The following ANTXR1 variants were observed in gnomAD, a reference collection of about 807,000 sequenced individuals.
The protein encoded by ANTXR1 is anthrax toxin receptor 1.
In ANTXR1, 19 loss-of-function variants were observed where a neutral mutation model predicts 78.1. The ratio of observed to expected loss-of-function variants is 0.24; its 90% CI spans 0.17 to 0.36. The LOEUF (loss-of-function observed/expected upper bound fraction) is 0.36, where lower values mean the gene tolerates loss of function less well. Ranked by LOEUF, ANTXR1 falls within the 10% of genes least tolerant of loss-of-function variation. ANTXR1 has a pLI of 1.00. For missense variants in ANTXR1, 518 were observed against 718.6 expected (o/e 0.72, Z 3.19); for synonymous variants, 273 against 260.5 (o/e 1.05, Z -0.46).
intron 1 of ANTXR1, among the ~76,000 whole-genome samples, chr2:69,023,209 G>C (rs1455832090): frequency 6.6e-6 from 1 of 152,218 alleles, no homozygotes; most frequent in Non-Finnish European, 1.5e-5. Context: ...GTGTTGTAAA[G>C]ATTAAAACCT....
chr2:69,235,933 C>T (rs549416390), intron 17 of ANTXR1, among the ~76,000 whole-genome samples: 108 of 152,230 alleles, frequency 7.1e-4, no homozygotes, highest in African/African-American at 2.4e-3. Flanking sequence ...ACAATCATGG[C>T]AGAAGGGGAA....
intron 17 of ANTXR1, among the ~76,000 whole-genome samples, chr2:69,239,325 T>G (rs1044005833): frequency 4.6e-5 from 7 of 152,148 alleles, no homozygotes; most frequent in African/African-American, 7.2e-5. Flanking sequence ...TCCCAGCACT[T>G]TGGGAGGCCA....
rs565623751 is a variant in ANTXR1 at position 69,123,184 on chromosome 2, T to C, written c.872+98T>C. ...GAAAGCATCTAGAGAAAGTGGAGCC[T>C]TTCTCTAGGTTCCTCCAGCTTATGA... On this transcript the variant is annotated intron_variant, in intron 11 of 17. Coordinates refer to ENST00000303714, the MANE Select transcript of ANTXR1 (RefSeq NM_032208.3). 41 of 1,254,164 alleles carry C rather than the reference T, an allele frequency of 3.3e-5. No individual in the cohort carries two copies. The South Asian group carries it at 3.3e-4, about 10-fold the overall frequency. The allele number at this position is 1,254,164 out of a possible 1,614,324, so 77.7% of individuals were successfully genotyped here.
intron 1 of ANTXR1, among the ~76,000 whole-genome samples, chr2:69,023,741 T>A (rs1220018653): frequency 6.6e-6 from 1 of 152,174 alleles, no homozygotes; most frequent in Non-Finnish European, 1.5e-5. Flanking sequence ...CAAAGTTTTG[T>A]AGAAGACATG....
intron 3 of ANTXR1, among the ~76,000 whole-genome samples, chr2:69,045,720 T>TC (rs531680599): frequency 4.7e-4 from 72 of 152,300 alleles, no homozygotes; most frequent in African/African-American, 1.6e-3. Flanking sequence ...CTATTTTTTT[T>TC]CCCATGACTT....
At chr2:69,209,106 C>T (rs895323775) in intron 17 of ANTXR1, among the ~76,000 whole-genome samples, 11 of 152,202 alleles carry the variant, frequency 7.2e-5, no homozygotes, top group African/African-American at 2.7e-4. Context: ...TCTACTGCTT[C>T]TTCCCTGCAA....
intron 1 of ANTXR1, among the ~76,000 whole-genome samples, chr2:69,023,494 A>ATGG (rs1214196119): frequency 7.7e-6 from 1 of 130,668 alleles, no homozygotes; most frequent in Non-Finnish European, 1.5e-5. Context: ...TGATGGTGAT[A>ATGG]TGGTGGTGGT....
At chr2:69,123,967 A>G (rs940881589) in intron 11 of ANTXR1, among the ~76,000 whole-genome samples, 2 of 152,242 alleles carry the variant, frequency 1.3e-5, no homozygotes, top group Admixed American at 6.5e-5. Context: ...GCCCAGCATC[A>G]ATCTGTGATG....
intron 8 of ANTXR1, among the ~76,000 whole-genome samples, chr2:69,084,460 A>G (rs1670987660): frequency 6.6e-6 from 1 of 152,156 alleles, no homozygotes; most frequent in Non-Finnish European, 1.5e-5. Context: ...AGATACACAA[A>G]CTGCTTCAAA....
At chr2:69,071,840 T>A in intron 5 of ANTXR1, 53 bp downstream of exon 5, 2 of 1,551,704 alleles carry the variant, frequency 1.3e-6, no homozygotes, top group Non-Finnish European at 1.8e-6. Context: ...TTTCCGTGTT[T>A]GTTGCTGAAA....
intron 13 of ANTXR1, among the ~76,000 whole-genome samples, chr2:69,153,912 T>C (rs1002404560): frequency 6.6e-6 from 1 of 152,170 alleles, no homozygotes; most frequent in Non-Finnish European, 1.5e-5. Context: ...AGTTTCCTCA[T>C]TGGTATAATG....
intron 17 of ANTXR1, among the ~76,000 whole-genome samples, chr2:69,194,501 G>A (rs1022862405): frequency 6.6e-6 from 1 of 152,200 alleles, no homozygotes; most frequent in East Asian, 1.9e-4. Context: ...TCTTCCTACT[G>A]TGGCTGGTTG....
At chr2:69,135,693 T>C (rs1037334624) in intron 12 of ANTXR1, among the ~76,000 whole-genome samples, 2 of 152,138 alleles carry the variant, frequency 1.3e-5, no homozygotes, top group Admixed American at 6.5e-5. Flanking sequence ...GTTATAATAA[T>C]TCTGATCTGC....
At chr2:69,207,376 C>T (rs1163230961) in intron 17 of ANTXR1, among the ~76,000 whole-genome samples, 1 of 152,114 alleles carries the variant, frequency 6.6e-6, no homozygotes, top group Non-Finnish European at 1.5e-5. Flanking sequence ...TGAAAAAACG[C>T]AGCTTTCCAT....
rs190520144 is a variant in ANTXR1 at position 69,065,136 on chromosome 2, T to C, written c.297-5511T>C. On this transcript the variant is annotated intron_variant, in intron 3 of 17. Coordinates refer to ENST00000303714, the MANE Select transcript of ANTXR1 (RefSeq NM_032208.3). ...ATTGATAAACCACTGGTAAGAGTGG[T>C]TTTTCTGGGCTGGGAGCAGTGGCTC... Among the ~76,000 whole-genome samples the C allele has an allele frequency of 2.3e-3, 345 of 151,880 alleles. 3 individuals are homozygous for C. The highest frequency in any genetic ancestry group is 2.2e-3 in the Non-Finnish European group (151 of 67,908).
chr2:69,110,429 T>C lies in ANTXR1; in HGVS notation c.802+7489T>C, dbSNP rs57900898. On this transcript the variant is annotated intron_variant, in intron 10 of 17. Transcript: ENST00000303714. ...GAAAAACATCTAAATGGTAACAACC[T>C]AAATGTCTGACAATAGGTAATCTGT... Among the ~76,000 whole-genome samples the C allele has an allele frequency of 4.4e-3, 667 of 152,296 alleles. 5 individuals carry two copies. Among genetic ancestry groups the C allele is most frequent in the African/African-American group, 0.015 (634 of 41,562 alleles).
chr2:69,220,658 A>G (rs1341873411), intron 17 of ANTXR1, among the ~76,000 whole-genome samples: 1 of 152,234 alleles, frequency 6.6e-6, no homozygotes, highest in African/African-American at 2.4e-5. Context: ...TTCAAAACAT[A>G]TATTCTCTAT....
intron 9 of ANTXR1, among the ~76,000 whole-genome samples, chr2:69,098,309 C>T (rs934295095): frequency 1.3e-5 from 2 of 152,160 alleles, no homozygotes; most frequent in African/African-American, 2.4e-5. Context: ...CAATTCAGGC[C>T]TCAGAAAGCA....
chr2:69,230,804 TCTTTTAA>T (rs1388144261), intron 17 of ANTXR1, among the ~76,000 whole-genome samples: 2 of 152,170 alleles, frequency 1.3e-5, no homozygotes, highest in African/African-American at 4.8e-5. Context: ...AATCTATATT[TCTTTTAA>T]CTTTTATTTT....
Sources: gnomAD v4.1 joint callset for allele counts (sites outside exome capture counted in the v4.1 genomes callset) on GRCh38, gnomAD v4.1.1 for gene constraint, MANE v1.5 for transcripts, NCBI Gene and HGNC (gene_info 2026-07-23, HGNC 2026-07-21) for gene names.